Variants in CTHRC1 observed in about 807,000 individuals in gnomAD.
CTHRC1 encodes the protein collagen triple helix repeat containing 1, also known as collagen triple helix repeat-containing protein 1.
Under a neutral mutation model 25.9 loss-of-function variants are expected in CTHRC1, and 21 were observed. The ratio of observed to expected loss-of-function variants is 0.81; its 90% CI spans 0.57 to 1.17. The LOEUF is 1.17. CTHRC1 is among the 50% of genes most tolerant of loss of function. The probability of loss-of-function intolerance (pLI) is 0.00; values close to 1 mark genes in which losing one functional copy is unlikely to be tolerated. For synonymous variants in CTHRC1, 109 were observed against 113.1 expected, an observed-to-expected ratio of 0.96 and a Z score of 0.23; for missense variants, 281 against 304.3, an observed-to-expected ratio of 0.92 and a Z score of 0.57.
Position 103,378,241 on chromosome 8 carries a change from C to T in CTHRC1, c.587C>T (p.Ser196Phe), listed in dbSNP as rs748968872. 2.5e-6 allele frequency: 4 copies of T among 1,609,756 alleles called. No homozygotes were observed. Among genetic ancestry groups the T allele is most frequent in the Non-Finnish European group, 3.4e-6 (4 of 1,178,064 alleles). Residue 196 changes from serine to phenylalanine, a missense_variant and splice_region_variant, in exon 3 of 4, where the codon TCT (serine) becomes TTT (phenylalanine). Transcript: ENST00000330295. ...NSTINIHRTSSVEGLCEGIGA... is the reference protein window; with the variant it reads ...NSTINIHRTSFVEGLCEGIGA... ...ACAATTAATATTCATCGCACTTCTT[C>T]TGGTATGTAAAATTGTGACATTGCA...
Position 103,382,662 on chromosome 8 carries a change from G to A in CTHRC1, c.*62G>A. The A allele has an allele frequency of 7.1e-7, 1 of 1,405,726 alleles. No individual in the cohort carries two copies. The highest frequency in any genetic ancestry group is 2.3e-5 in the East Asian group (1 of 43,790). The allele number at this position is 1,405,726 out of a possible 1,614,324, so 87.1% of individuals were successfully genotyped here. A position where few individuals can be genotyped will look rare whatever the true frequency, so the allele number is the denominator to read the frequency against. The stretch of plus-strand genomic sequence containing the variant: ...ATGCCTTGGAATGGTTCACTTAAAT[G>A]ACATTTTAAATAAGTTTATGTATAC... On this transcript the variant is annotated 3_prime_UTR_variant, in exon 4 of 4. Transcript: ENST00000330295.
Position 103,382,445 on chromosome 8 carries a change from C to A in CTHRC1, c.590-13C>A, listed in dbSNP as rs145549155. 6.9e-3 allele frequency: 11,091 copies of A among 1,613,392 alleles called. 56 individuals are homozygous for A. Among genetic ancestry groups the A allele is most frequent in the Non-Finnish European group, 8.2e-3 (9,701 of 1,179,474 alleles). On this transcript the variant is annotated splice_polypyrimidine_tract_variant and intron_variant, in intron 3 of 3. Coordinates refer to ENST00000330295, the MANE Select transcript of CTHRC1 (RefSeq NM_138455.4). The stretch of plus-strand genomic sequence containing the variant: ...TTCTAAAGAAAGATGTAACTTTCAT[C>A]TTTGTCTTGCAGTGGAAGGACTTTG...
At chr8:103,376,038 ATTTTT>A in intron 2 of CTHRC1, 79 bp downstream of exon 2, 2 of 1,108,806 alleles carry the variant, frequency 1.8e-6, no homozygotes, top group South Asian at 1.4e-5. Flanking sequence ...GTGACATTTT[ATTTTT>A]TTTTAACTAA....
Position 103,371,634 on chromosome 8 carries a change from G to T in CTHRC1, c.-23G>T. 2.6e-6 allele frequency: 4 copies of T among 1,529,364 alleles called. No homozygotes were observed. Among genetic ancestry groups the T allele is most frequent in the Non-Finnish European group, 3.5e-6 (4 of 1,139,850 alleles). The allele number at this position is 1,529,364 out of a possible 1,614,324, so 94.7% of individuals were successfully genotyped here. ...CTCGGTCTCCTCCGCCTCCAGCTCC[G>T]CGCTGCCCGGCAGCCGGGAGCCATG... On this transcript the variant is annotated 5_prime_UTR_variant, in exon 1 of 4. Transcript: ENST00000330295.
Position 103,382,725 on chromosome 8 carries a change from C to A in CTHRC1, c.*125C>A. ...AGCAAAGCTAAATATGTTTACAGAC[C>A]AAAGTGTGATTTCACACTGTTTTTA... is the stretch of plus-strand genomic sequence containing the variant. On this transcript the variant is annotated 3_prime_UTR_variant, in exon 4 of 4. Coordinates refer to ENST00000330295, the MANE Select transcript of CTHRC1 (RefSeq NM_138455.4). 2.3e-6 allele frequency: 2 copies of A among 887,110 alleles called. No individual in the cohort carries two copies. The highest frequency in any genetic ancestry group is 1.3e-5 in the South Asian group (1 of 75,138). The allele number at this position is 887,110 out of a possible 1,614,324, so 55.0% of individuals were successfully genotyped here.
intron 1 of CTHRC1, 26 bp downstream of exon 1, chr8:103,371,832 A>G: frequency 2.0e-6 from 3 of 1,479,280 alleles, no homozygotes; most frequent in South Asian, 1.4e-5. Context: ...CCGAGCCGGG[A>G]CCGCCGCGCT....
rs546226454 is a variant in CTHRC1, at chr8:103,371,824, G to C, written c.150+18G>C. ...TGGACCTGGTGAGTCCGAGGGAGCC[G>C]AGCCGGGACCGCCGCGCTGGTGGAG... On this transcript the variant is annotated intron_variant, in intron 1 of 3. Transcript: ENST00000330295. The C allele has an allele frequency of 1.3e-6, 2 of 1,486,806 alleles. No homozygotes were observed. Among genetic ancestry groups the C allele is most frequent in the Non-Finnish European group, 1.8e-6 (2 of 1,119,726 alleles). The allele number at this position is 1,486,806 out of a possible 1,614,324, so 92.1% of individuals were successfully genotyped here.
At chr8:103,372,628 C>T (rs747313008) in intron 1 of CTHRC1, 28 of 1,598,040 alleles carry the variant, frequency 1.8e-5, no homozygotes, top group Non-Finnish European at 2.2e-5. Flanking sequence ...ATGAACGGCC[C>T]GAGTGCTTTC....
In CTHRC1 at chr8:103,375,960, G is replaced by A; in HGVS notation, c.372+1G>A. 1 of 1,607,452 alleles carries A rather than the reference G, an allele frequency of 6.2e-7. No individual in the cohort carries two copies. Among genetic ancestry groups the A allele is most frequent in the Non-Finnish European group, 8.5e-7 (1 of 1,174,692 alleles). On this transcript the variant is annotated splice_donor_variant, in intron 2 of 3. Coordinates refer to ENST00000330295, the MANE Select transcript of CTHRC1 (RefSeq NM_138455.4). LOFTEE classifies it high-confidence loss of function. ...TGGCATAGATCTTGGGAAAATTGCGGTAAGTTTGAATTATTTTAAAATTGA... is the reference window on the plus strand; with the variant it reads ...TGGCATAGATCTTGGGAAAATTGCGATAAGTTTGAATTATTTTAAAATTGA...
rs1267708789 is a variant in CTHRC1 at position 103,371,737 on chromosome 8, G to A, written c.81G>A (p.Pro27=). 1.3e-6 allele frequency: 2 copies of A among 1,535,388 alleles called. No homozygotes were observed. Among genetic ancestry groups the A allele is most frequent in the Non-Finnish European group, 1.8e-6 (2 of 1,141,680 alleles). The change falls in exon 1 of 4, where the codon CCG becomes CCA. Residue 27 remains proline (P), a synonymous_variant. Coordinates refer to ENST00000330295, the MANE Select transcript of CTHRC1 (RefSeq NM_138455.4). ...TCCTGCTGCTGCAGCTGCCCGCGCC[G>A]TCGAGCGCCTCTGAGATCCCCAAGG... ...LLLLLLQLPA[P]SSASEIPKGK...
intron 3 of CTHRC1, among the ~76,000 whole-genome samples, chr8:103,381,764 C>T (rs1205075562): frequency 1.3e-5 from 2 of 152,076 alleles, no homozygotes; most frequent in African/African-American, 2.4e-5. Flanking sequence ...TTTGGGAGGC[C>T]GAAGTGGGTA....
At chr8:103,380,331 G>A (rs1815884941) in intron 3 of CTHRC1, among the ~76,000 whole-genome samples, 1 of 152,194 alleles carries the variant, frequency 6.6e-6, no homozygotes, top group African/African-American at 2.4e-5. Flanking sequence ...AACTCATTTG[G>A]TGTGATCAGT....
intron 3 of CTHRC1, among the ~76,000 whole-genome samples, chr8:103,378,742 G>A (rs191647701): frequency 1.1e-3 from 165 of 152,232 alleles, no homozygotes; most frequent in African/African-American, 3.3e-3. Flanking sequence ...TAGGCTGGGC[G>A]TGGTAGCTCA....
intron 3 of CTHRC1, among the ~76,000 whole-genome samples, chr8:103,379,517 A>C (rs921524269): frequency 3.9e-5 from 6 of 152,116 alleles, no homozygotes; most frequent in Admixed American, 3.3e-4. Flanking sequence ...CAGAGACACC[A>C]CTATCAATAT....
rs146609679 is a variant in CTHRC1 at position 103,375,959 on chromosome 8, G to A, written c.372G>A (p.Ala124=). ...ATGGCATAGATCTTGGGAAAATTGC[G>A]GTAAGTTTGAATTATTTTAAAATTG... ...LNYGIDLGKI[A]ECTFTKMRSN... is the part of the protein sequence containing the mutation. The change falls in exon 2 of 4, where the codon GCG becomes GCA. Residue 124 remains alanine (A), a splice_region_variant and synonymous_variant. Coordinates refer to ENST00000330295, the MANE Select transcript of CTHRC1 (RefSeq NM_138455.4). The A allele has an allele frequency of 5.5e-5, 88 of 1,607,772 alleles. No individual in the cohort carries two copies. Among genetic ancestry groups the A allele is most frequent in the African/African-American group, 9.4e-5 (7 of 74,710 alleles).
chr8:103,373,967 AAAT>A (rs1313447946), intron 1 of CTHRC1, among the ~76,000 whole-genome samples: 1 of 152,172 alleles, frequency 6.6e-6, no homozygotes, highest in Non-Finnish European at 1.5e-5. Context: ...ACTAAAATAA[AAAT>A]AAAGTCTAAA....
rs1335170734 is a variant in CTHRC1 at position 103,382,759 on chromosome 8, A to G, written c.*159A>G. The G allele has an allele frequency of 6.6e-6, 5 of 753,544 alleles. No homozygotes were observed. Among genetic ancestry groups the G allele is most frequent in the Non-Finnish European group, 1.2e-5 (5 of 430,970 alleles). 46.7% of individuals were successfully genotyped at this position (753,544 alleles called of 1,614,324 possible). Reference sequence around the variant, plus strand: ...ATTTCACACTGTTTTTAAATCTAGCATTATTCATTTTGCTTCAATCAAAAG... The same window carrying G: ...ATTTCACACTGTTTTTAAATCTAGCGTTATTCATTTTGCTTCAATCAAAAG... On this transcript the variant is annotated 3_prime_UTR_variant, in exon 4 of 4. Transcript: ENST00000330295.
In CTHRC1 at chr8:103,382,901, A is replaced by T. The variant is rs553295083; in HGVS notation, c.*301A>T. On this transcript the variant is annotated 3_prime_UTR_variant, in exon 4 of 4. Coordinates refer to ENST00000330295, the MANE Select transcript of CTHRC1 (RefSeq NM_138455.4). ...TTTTTTCTCTTAGTATAGCATTTTT[A>T]AAAAAATATAAAAGCTACCAATCTT... The T allele has an allele frequency of 8.1e-3, 1,837 of 225,448 alleles. 37 individuals carry two copies. The highest frequency in any genetic ancestry group is 0.038 in the African/African-American group (1,667 of 43,386). 14.0% of individuals were successfully genotyped at this position (225,448 alleles called of 1,614,324 possible).
chr8:103,373,425 G>C (rs961948208), intron 1 of CTHRC1, among the ~76,000 whole-genome samples: 1 of 148,630 alleles, frequency 6.7e-6, no homozygotes, highest in Non-Finnish European at 1.5e-5. Flanking sequence ...GCGTATAAAA[G>C]TGCGCTTCCC....
Sources: allele counts gnomAD v4.1 joint callset (sites outside exome capture counted in the v4.1 genomes callset), GRCh38; gene constraint gnomAD v4.1.1; transcripts MANE v1.5; gene names NCBI Gene and HGNC (gene_info 2026-07-23, HGNC 2026-07-21).